The following GFRA3 variants were observed in gnomAD, a reference collection of about 807,000 sequenced individuals.
GFRA3 encodes GDNF family receptor alpha 3.
GFRA3 carries 24 observed loss-of-function variants against 40.0 expected under a neutral mutation model. The observed-to-expected ratio is 0.60, with a 90% CI of 0.43 to 0.84. The LOEUF (loss-of-function observed/expected upper bound fraction) is 0.84, where lower values mean the gene tolerates loss of function less well. Among genes scored for constraint, GFRA3 ranks in the 40% least tolerant of loss-of-function variants. GFRA3 has a pLI of 0.00. For missense variants in GFRA3, 405 were observed against 530.6 expected, an observed-to-expected ratio of 0.76 and a Z score of 2.33; for synonymous variants, 203 against 213.5, an observed-to-expected ratio of 0.95 and a Z score of 0.43.
At chr5:138,268,298 A>AAAAAAAG (rs1755816504) in intron 1 of GFRA3, among the ~76,000 whole-genome samples, 1 of 150,276 alleles carries the variant, frequency 6.7e-6, no homozygotes, top group African/African-American at 2.4e-5. Flanking sequence ...AAAAAAAAAA[A>AAAAAAAG]AAAGAAATCT....
intron 1 of GFRA3, among the ~76,000 whole-genome samples, chr5:138,271,905 T>TGTGTGTGTGTGTGTG (rs1468208782): frequency 1.4e-4 from 14 of 96,960 alleles, no homozygotes; most frequent in East Asian, 6.5e-4. Flanking sequence ...TTTTTTTTTT[T>TGTGTGTGTGTGTGTG]TTTTTTTTTG....
At position 138,257,683 on chromosome 5, in the gene GFRA3, G is replaced by A; in HGVS notation, c.741C>T (p.Asn247=). The A allele has an allele frequency of 6.2e-7, 1 of 1,610,030 alleles. No homozygotes were observed. The highest frequency in any genetic ancestry group is 8.5e-7 in the Non-Finnish European group (1 of 1,179,118). ...AGCAGAGGCGCCGCAGCTCCAGGCAGTTGGGGGCCACAGGCGGCAGCGCGC... is the reference window on the plus strand; with the variant it reads ...AGCAGAGGCGCCGCAGCTCCAGGCAATTGGGGGCCACAGGCGGCAGCGCGC... ...PNCALPPVAP[N]CLELRRLCFS... Residue 247 remains asparagine, a synonymous_variant, in exon 4 of 8, where the codon AAC becomes AAT. Coordinates refer to ENST00000274721, the MANE Select transcript of GFRA3 (RefSeq NM_001496.4).
chr5:138,271,377 G>A (rs1755866916), intron 1 of GFRA3, among the ~76,000 whole-genome samples: 1 of 152,158 alleles, frequency 6.6e-6, no homozygotes, highest in Non-Finnish European at 1.5e-5. Context: ...CCAAGTTTGA[G>A]CAGTGATGGA....
chr5:138,253,017 G>C lies in GFRA3; in HGVS notation c.1154C>G (p.Ser385Cys). 1 of 1,610,520 alleles carries C rather than the reference G, an allele frequency of 6.2e-7. No homozygotes were observed. Among genetic ancestry groups the C allele is most frequent in the Non-Finnish European group, 8.5e-7 (1 of 1,176,944 alleles). ...CAAGGGAAGCGTGCAGGAGAAAAGAGAGGGCACCCAGGGCTGTGGCCTCAC... is the reference window on the plus strand; with the variant it reads ...CAAGGGAAGCGTGCAGGAGAAAAGACAGGGCACCCAGGGCTGTGGCCTCAC... Reference protein sequence around the residue: ...PAVRPQPWVPSLFSCTLPLIL... With the variant: ...PAVRPQPWVPCLFSCTLPLIL... The change falls in exon 8 of 8, where the codon TCT becomes TGT. Residue 385 changes from serine to cysteine, a missense_variant. Physicochemically the swap from Ser to Cys is moderately radical, Grantham distance 112 (BLOSUM62 -1). Transcript: ENST00000274721.
chr5:138,268,616 C>T (rs1024161646), intron 1 of GFRA3, among the ~76,000 whole-genome samples: 1 of 152,082 alleles, frequency 6.6e-6, no homozygotes, highest in Admixed American at 6.5e-5. Flanking sequence ...GTTGGCTGGG[C>T]GCAGTGGCTC....
At chr5:138,263,486 A>G (rs747421454) in intron 2 of GFRA3, among the ~76,000 whole-genome samples, 2 of 152,194 alleles carry the variant, frequency 1.3e-5, no homozygotes, top group Non-Finnish European at 2.9e-5. Context: ...CAATCCAGTG[A>G]TGTCAGGCTT....
At position 138,258,514 on chromosome 5, in the gene GFRA3, G is replaced by T. The variant is rs111816393; in HGVS notation, c.473-563C>A. On this transcript the variant is annotated intron_variant, in intron 3 of 7. Coordinates refer to ENST00000274721, the MANE Select transcript of GFRA3 (RefSeq NM_001496.4). ...TCATCTTGACTACGTAAAATAATAAGAATAATCACTATCATCATCTATATG... is the reference window on the plus strand; with the variant it reads ...TCATCTTGACTACGTAAAATAATAATAATAATCACTATCATCATCTATATG... Among the ~76,000 whole-genome samples, 231 of 152,068 alleles carry T rather than the reference G, an allele frequency of 1.5e-3. 2 individuals are homozygous for T. Among genetic ancestry groups the T allele is most frequent in the Non-Finnish European group, 2.4e-3 (161 of 67,964 alleles).
At chr5:138,256,405 G>A (rs570882351) in intron 4 of GFRA3, among the ~76,000 whole-genome samples, 10 of 151,556 alleles carry the variant, frequency 6.6e-5, no homozygotes, top group East Asian at 5.8e-4. Context: ...GCACATGCCT[G>A]TAGTCCCAGC....
rs56317441 is a variant in GFRA3, at chr5:138,265,206, C to CT, written c.92-659dup. 1.4e-3 allele frequency among the ~76,000 whole-genome samples: 73 copies of CT among 50,568 alleles called. 3 individuals carry two copies. Among genetic ancestry groups the CT allele is most frequent in the African/African-American group, 4.1e-3 (54 of 13,056 alleles). The allele number at this position is 50,568 out of a possible 152,430, so 33.2% of individuals were successfully genotyped here. A position where few individuals can be genotyped will look rare whatever the true frequency, so the allele number is the denominator to read the frequency against. The stretch of plus-strand genomic sequence containing the variant: ...GTTCAAAGATAAAAATCTAGGAGAA[C>CT]TTTTTTTTTTTTTTTTTTTTTTTTT... On this transcript the variant is annotated intron_variant, in intron 1 of 7. Coordinates refer to ENST00000274721, the MANE Select transcript of GFRA3 (RefSeq NM_001496.4).
At position 138,253,834 on chromosome 5, in the gene GFRA3, C is replaced by T. The variant is rs752002037; in HGVS notation, c.956G>A (p.Arg319Gln). 8 of 1,613,770 alleles carry T rather than the reference C, an allele frequency of 5.0e-6. No individual in the cohort carries two copies. The highest frequency in any genetic ancestry group is 2.2e-5 in the East Asian group (1 of 44,880). Residue 319 changes from arginine to glutamine, a missense_variant, in exon 6 of 8, where the codon CGA becomes CAA. Transcript: ENST00000274721. ...NTSVALSCTCRGSGNLQEECE... is the reference protein window; with the variant it reads ...NTSVALSCTCQGSGNLQEECE... ...CTCCTCCTGCAGGTTGCCACTGCCT[C>T]GGCAGGTGCAGCTTAAGGCAACACT...
chr5:138,253,530 C>T (rs1394914692), intron 6 of GFRA3, among the ~76,000 whole-genome samples, 155 bp from the exon 7 acceptor site: 1 of 152,134 alleles, frequency 6.6e-6, no homozygotes, highest in African/African-American at 2.4e-5. Context: ...CTGCTTGTTT[C>T]TTGAGCTGGA....
At chr5:138,266,721 T>C (rs1755790465) in intron 1 of GFRA3, among the ~76,000 whole-genome samples, 2 of 152,004 alleles carry the variant, frequency 1.3e-5, no homozygotes, top group Non-Finnish European at 2.9e-5. Context: ...AGAGTCAGGC[T>C]GGAGTGCAGT....
chr5:138,263,649 C>G (rs1755741741), intron 2 of GFRA3, among the ~76,000 whole-genome samples: 1 of 152,198 alleles, frequency 6.6e-6, no homozygotes, highest in Non-Finnish European at 1.5e-5. Context: ...GCACCTTGAG[C>G]CTGGATCCCA....
chr5:138,257,482 AAG>A (rs1755648079), intron 4 of GFRA3, among the ~76,000 whole-genome samples, 155 bp downstream of exon 4: 1 of 152,232 alleles, frequency 6.6e-6, no homozygotes, highest in South Asian at 2.1e-4. Flanking sequence ...TTTTTGAGAA[AAG>A]ACTTTCACAA....
At position 138,268,284 on chromosome 5, in the gene GFRA3, G is replaced by GAAAA. The variant is rs60958894; in HGVS notation, c.92-3740_92-3737dup. On this transcript the variant is annotated intron_variant, in intron 1 of 7. Coordinates refer to ENST00000274721, the MANE Select transcript of GFRA3 (RefSeq NM_001496.4). ...TGGGCAGCAGGGTGAGACTCCATCT[G>GAAAA]AAAAAAAAAAAAAAAAAGAAATCTA... 6.0e-5 allele frequency among the ~76,000 whole-genome samples: 2 copies of GAAAA among 33,150 alleles called. 1 individual carries two copies. Among genetic ancestry groups the GAAAA allele is most frequent in the Non-Finnish European group, 1.0e-4 (2 of 19,414 alleles). 21.7% of individuals were successfully genotyped at this position (33,150 alleles called of 152,430 possible).
intron 3 of GFRA3, among the ~76,000 whole-genome samples, chr5:138,258,154 C>T (rs1427697206): frequency 6.7e-6 from 1 of 149,184 alleles, no homozygotes; most frequent in South Asian, 2.1e-4. Context: ...AAGCCTTCCC[C>T]ACCCTACTCC....
rs1491322993 is a variant in GFRA3, at chr5:138,256,565, A to AAACAAAAAAAAAC, written c.785+1073_785+1074insGTTTTTTTTTGTT. Among the ~76,000 whole-genome samples, 91 of 147,078 alleles carry AAACAAAAAAAAAC rather than the reference A, an allele frequency of 6.2e-4. 1 individual carries two copies. Among genetic ancestry groups the AAACAAAAAAAAAC allele is most frequent in the South Asian group, 3.6e-3 (16 of 4,472 alleles). ...CAAAAAAAAACAAACAAAAAAAAAA[A>AAACAAAAAAAAAC]CAAAACAAAAACCTAAATATCTAGC... On this transcript the variant is annotated intron_variant, in intron 4 of 7. Coordinates refer to ENST00000274721, the MANE Select transcript of GFRA3 (RefSeq NM_001496.4).
At chr5:138,258,020 A>C (rs2126613092) in intron 3 of GFRA3, 69 bp from the exon 4 acceptor site, 1 of 1,222,812 alleles carries the variant, frequency 8.2e-7, no homozygotes, top group East Asian at 2.3e-5. Flanking sequence ...TTCCACAGGA[A>C]CCCCGGAAAC....
In GFRA3 at chr5:138,253,280, G is replaced by GCC. The variant is rs200095891; in HGVS notation, c.1113+5_1113+6dup. ...AGGTCTGAGGGGTGTAACAGAGGAG[G>GCC]CCCTACCTGGTGTGCCATCACAGCA... On this transcript the variant is annotated splice_region_variant and intron_variant, in intron 7 of 7. Transcript: ENST00000274721. 26,509 of 1,554,606 alleles carry GCC rather than the reference G, an allele frequency of 0.017. 274 individuals are homozygous for GCC. The highest frequency in any genetic ancestry group is 0.022 in the Middle Eastern group (132 of 5,984).
Sources: allele counts gnomAD v4.1 joint callset (sites outside exome capture counted in the v4.1 genomes callset), GRCh38; gene constraint gnomAD v4.1.1; transcripts MANE v1.5; gene names NCBI Gene and HGNC (gene_info 2026-07-23, HGNC 2026-07-21).